The following TTLL9 variants were observed in gnomAD, a reference collection of about 807,000 sequenced individuals.
TTLL9 encodes probable tubulin polyglutamylase TTLL9.
Under a neutral mutation model 65.6 loss-of-function variants are expected in TTLL9, and 47 were observed. That is an observed-to-expected ratio of 0.72 (90% CI 0.57 to 0.91). The LOEUF (loss-of-function observed/expected upper bound fraction) is 0.91. Ranked by LOEUF, TTLL9 falls within the 40% of genes least tolerant of loss-of-function variation. The probability of loss-of-function intolerance (pLI) is 0.00; values close to 1 mark genes in which losing one functional copy is unlikely to be tolerated. For synonymous variants in TTLL9, 179 were observed against 204.8 expected, an observed-to-expected ratio of 0.87 and a Z score of 1.07; for missense variants, 537 against 568.8, an observed-to-expected ratio of 0.94 and a Z score of 0.57.
chr20:31,919,982 C>T, intron 7 of TTLL9, 50 bp downstream of exon 7: 1 of 1,458,928 alleles, frequency 6.9e-7, no homozygotes, highest in Middle Eastern at 1.8e-4. Flanking sequence ...CTGACCTTGC[C>T]AGCAGGAGGG....
chr20:31,885,616 G>A (rs973148196), intron 2 of TTLL9, among the ~76,000 whole-genome samples: 1 of 152,286 alleles, frequency 6.6e-6, no homozygotes, highest in South Asian at 2.1e-4. Context: ...TGTTTCAGTG[G>A]GGCTTGCTTC....
chr20:31,909,675 G>A (rs2063615175), intron 5 of TTLL9, 62 bp from the exon 6 acceptor site: 1 of 1,524,122 alleles, frequency 6.6e-7, no homozygotes, highest in East Asian at 2.3e-5. Context: ...GATGTGTGGG[G>A]CTGGGAGGGG....
intron 7 of TTLL9, among the ~76,000 whole-genome samples, chr20:31,922,712 A>C (rs1482255463): frequency 6.6e-6 from 1 of 152,236 alleles, no homozygotes; most frequent in African/African-American, 2.4e-5. Flanking sequence ...TTAAACACTC[A>C]GGCTCTGGGC....
intron 10 of TTLL9, among the ~76,000 whole-genome samples, chr20:31,929,889 G>C (rs1383817809): frequency 6.6e-6 from 1 of 152,084 alleles, no homozygotes; most frequent in Non-Finnish European, 1.5e-5. Context: ...AGCACTTTGG[G>C]AGCTGAGGCG....
At chr20:31,873,712 AAG>A (rs1163410224) in intron 2 of TTLL9, among the ~76,000 whole-genome samples, 2 of 147,356 alleles carry the variant, frequency 1.4e-5, no homozygotes, top group Non-Finnish European at 1.5e-5. Flanking sequence ...GAAAGAAAGA[AAG>A]AAAGAAAGAA....
At chr20:31,901,162 C>A (rs6087796) in intron 4 of TTLL9, 1 of 152,400 alleles carries the variant, frequency 6.6e-6, no homozygotes, top group Non-Finnish European at 1.5e-5. Flanking sequence ...TTGCTTCCCC[C>A]TGAGAAAGAT....
intron 6 of TTLL9, among the ~76,000 whole-genome samples, chr20:31,911,908 G>A (rs950235886): frequency 1.3e-5 from 2 of 151,236 alleles, no homozygotes; most frequent in African/African-American, 2.4e-5. Flanking sequence ...ACCCTGTCTC[G>A]GGTGGAGAGT....
chr20:31,881,786 G>T (rs989253127), intron 2 of TTLL9, among the ~76,000 whole-genome samples: 1 of 152,056 alleles, frequency 6.6e-6, no homozygotes, highest in Non-Finnish European at 1.5e-5. Context: ...TACTGAAATA[G>T]TCCCTTCCCT....
chr20:31,903,073 T>C (rs923916700), intron 4 of TTLL9, among the ~76,000 whole-genome samples: 39 of 152,032 alleles, frequency 2.6e-4, no homozygotes, highest in African/African-American at 9.2e-4. Context: ...TCTCATTATG[T>C]TACCTAGACT....
At chr20:31,930,220 AC>A (rs917119944) in intron 10 of TTLL9, among the ~76,000 whole-genome samples, 1 of 152,074 alleles carries the variant, frequency 6.6e-6, no homozygotes, top group African/African-American at 2.4e-5. Flanking sequence ...ATTGTTTTAA[AC>A]AGCCATTTCT....
intron 10 of TTLL9, among the ~76,000 whole-genome samples, chr20:31,931,630 G>A (rs1450016697): frequency 6.6e-6 from 1 of 152,134 alleles, no homozygotes; most frequent in African/African-American, 2.4e-5. Flanking sequence ...ATGTGCAGTG[G>A]TTTTGATTGG....
chr20:31,935,431 G>T (rs2064093683), intron 12 of TTLL9, among the ~76,000 whole-genome samples: 1 of 152,212 alleles, frequency 6.6e-6, no homozygotes, highest in Admixed American at 6.5e-5. Context: ...CATGTAGCAA[G>T]TCAAGGGCAA....
At position 31,870,917 on chromosome 20, in the gene TTLL9, T is replaced by C. The variant is rs942300919; in HGVS notation, c.-38T>C. On this transcript the variant is annotated 5_prime_UTR_variant, in exon 1 of 15. Coordinates refer to ENST00000535842, the MANE Select transcript of TTLL9 (RefSeq NM_001008409.5). The surrounding 1 kb of genome is among the most constrained non-coding windows in gnomAD (Gnocchi z 6.6). Reference sequence around the variant, plus strand: ...GCTGGACTTTGATCGCCGAGGGCTCTCTGCTCTTCAGAGTCTGCTTGGAAC... The same window carrying C: ...GCTGGACTTTGATCGCCGAGGGCTCCCTGCTCTTCAGAGTCTGCTTGGAAC... 1 of 596,442 alleles carries C rather than the reference T, an allele frequency of 1.7e-6. No homozygotes were observed. The highest frequency in any genetic ancestry group is 3.0e-6 in the Non-Finnish European group (1 of 333,936). 36.9% of individuals were successfully genotyped at this position (596,442 alleles called of 1,614,324 possible).
chr20:31,912,328 G>T (rs1170241161), intron 6 of TTLL9, among the ~76,000 whole-genome samples: 2 of 152,058 alleles, frequency 1.3e-5, no homozygotes, highest in Non-Finnish European at 2.9e-5. Flanking sequence ...GGTGGGGCCT[G>T]GGAACCTGCA....
rs374417174 is a variant in TTLL9 at position 31,898,476 on chromosome 20, G to T, written c.117G>T (p.Glu39Asp). 1 of 1,614,106 alleles carries T rather than the reference G, an allele frequency of 6.2e-7. No individual in the cohort carries two copies. Among genetic ancestry groups the T allele is most frequent in the African/African-American group, 1.3e-5 (1 of 75,046 alleles). ...GHGLSKGKER[E>D]QRASIRFKTT... is the part of the protein sequence containing the mutation. ...TGTTCATTGCCTTGTCTTGCAGAGA[G>T]CAGAGAGCATCGATCCGGTTCAAGA... Residue 39 changes from glutamate (E) to aspartate (D), a missense_variant, in exon 4 of 15, where the codon GAG (glutamate) becomes GAT (aspartate). Around this residue, in one of 3 missense-constraint regions of TTLL9, gnomAD observed 320 missense variants for 311.0 expected, o/e 1.03. Coordinates refer to ENST00000535842, the MANE Select transcript of TTLL9 (RefSeq NM_001008409.5).
chr20:31,902,083 T>G (rs1485858223), intron 4 of TTLL9, among the ~76,000 whole-genome samples: 1 of 150,896 alleles, frequency 6.6e-6, no homozygotes, highest in East Asian at 1.9e-4. Flanking sequence ...TTTTAGCATA[T>G]TCACAAAGTT....
At chr20:31,877,556 G>A (rs11905657) in intron 2 of TTLL9, among the ~76,000 whole-genome samples, 12,959 of 152,168 alleles carry the variant, frequency 0.085, 720 homozygotes, top group African/African-American at 0.15. Context: ...AATATAACAT[G>A]TATATGTCTT....
At chr20:31,914,352 TG>T (rs1027507951) in intron 6 of TTLL9, among the ~76,000 whole-genome samples, 3 of 152,244 alleles carry the variant, frequency 2.0e-5, no homozygotes, top group African/African-American at 7.2e-5. Flanking sequence ...AGAATAGTGG[TG>T]TTTTTTTAAC....
At chr20:31,887,297 C>T (rs971864511) in intron 3 of TTLL9, 58 bp downstream of exon 3, 24 of 1,563,134 alleles carry the variant, frequency 1.5e-5, no homozygotes, top group Non-Finnish European at 2.0e-5. Context: ...TCCCTCCCTC[C>T]CCTTTTCAAT....
Sources: gnomAD v4.1 joint callset for allele counts (sites outside exome capture counted in the v4.1 genomes callset) on GRCh38, gnomAD v4.1.1 for gene constraint, gnomAD v4.1.1 regional missense constraint, Gnocchi (gnomAD v3.1) non-coding constraint, MANE v1.5 for transcripts, NCBI Gene and HGNC (gene_info 2026-07-23, HGNC 2026-07-21) for gene names.